Variants in PKNOX2 observed in about 807,000 individuals in gnomAD.
The protein encoded by PKNOX2 is homeobox protein PKNOX2.
Under a neutral mutation model 53.1 loss-of-function variants are expected in PKNOX2, and 14 were observed. The observed-to-expected ratio is 0.26, with a 90% confidence interval of 0.17 to 0.41. The LOEUF (loss-of-function observed/expected upper bound fraction) is 0.41. Ranked by LOEUF, PKNOX2 falls within the 10% of genes least tolerant of loss-of-function variation. The pLI is 1.00. For missense variants in PKNOX2, 496 were observed against 602.8 expected (o/e 0.82, Z 1.85); for synonymous variants, 257 against 242.8 (o/e 1.06, Z -0.54).
At chr11:125,170,544 C>T (rs1381308486) in intron 1 of PKNOX2, among the ~76,000 whole-genome samples, 1 of 152,162 alleles carries the variant, frequency 6.6e-6, no homozygotes, top group South Asian at 2.1e-4. Context: ...TCATCTCACG[C>T]GGTCAAGCAG....
chr11:125,186,141 T>G (rs1239147506), intron 1 of PKNOX2, among the ~76,000 whole-genome samples: 1 of 152,138 alleles, frequency 6.6e-6, no homozygotes, highest in Non-Finnish European at 1.5e-5. Flanking sequence ...ATTTTCCTGA[T>G]GTCAAGTGAT....
intron 4 of PKNOX2, among the ~76,000 whole-genome samples, chr11:125,360,872 T>G (rs912188970): frequency 6.6e-6 from 1 of 152,214 alleles, no homozygotes; most frequent in African/African-American, 2.4e-5. Context: ...ATTTTATAGA[T>G]GAGAACCCTG....
intron 4 of PKNOX2, among the ~76,000 whole-genome samples, chr11:125,361,329 G>A (rs1324309269): frequency 2.0e-5 from 3 of 152,160 alleles, no homozygotes; most frequent in Non-Finnish European, 4.4e-5. Flanking sequence ...CCTGGTTCTG[G>A]ATGCTCTGCC....
intron 2 of PKNOX2, among the ~76,000 whole-genome samples, chr11:125,297,339 T>C (rs1415327663): frequency 6.6e-6 from 1 of 152,238 alleles, no homozygotes; most frequent in African/African-American, 2.4e-5. Context: ...CACCTGAGTA[T>C]GCCAGGCCTT....
intron 4 of PKNOX2, among the ~76,000 whole-genome samples, chr11:125,357,353 G>A (rs1297394200): frequency 1.3e-5 from 2 of 152,162 alleles, no homozygotes; most frequent in African/African-American, 4.8e-5. Context: ...GCCCATGTAG[G>A]AGATGGTGGG....
chr11:125,173,726 G>A (rs1487842861), intron 1 of PKNOX2, among the ~76,000 whole-genome samples: 3 of 152,204 alleles, frequency 2.0e-5, no homozygotes, highest in East Asian at 1.9e-4. Context: ...TGGGGGCAGC[G>A]AGGCTGCAGT....
intron 2 of PKNOX2, among the ~76,000 whole-genome samples, chr11:125,303,783 T>C (rs1390660563): frequency 1.3e-5 from 2 of 151,928 alleles, no homozygotes; most frequent in Non-Finnish European, 2.9e-5. Context: ...AAGAGGGCAC[T>C]CCCCCTTACC....
chr11:125,415,016 G>A (rs1955795358), intron 10 of PKNOX2, among the ~76,000 whole-genome samples: 2 of 152,250 alleles, frequency 1.3e-5, no homozygotes, highest in South Asian at 4.1e-4. Context: ...ACAGTACTGT[G>A]ACTTACTCAT....
intron 1 of PKNOX2, among the ~76,000 whole-genome samples, chr11:125,225,237 T>G (rs1941586820): frequency 6.6e-6 from 1 of 152,198 alleles, no homozygotes; most frequent in South Asian, 2.1e-4. Flanking sequence ...TGGATCATAC[T>G]TAACTCCCTA....
At chr11:125,313,217 T>C (rs35733739) in intron 2 of PKNOX2, among the ~76,000 whole-genome samples, 21,320 of 151,920 alleles carry the variant, frequency 0.14, 1,691 homozygotes, top group East Asian at 0.3. Flanking sequence ...GCAATGGCAG[T>C]GCCCCTCATC....
chr11:125,305,477 C>T (rs1034079633), intron 2 of PKNOX2, among the ~76,000 whole-genome samples: 7 of 152,202 alleles, frequency 4.6e-5, no homozygotes, highest in Non-Finnish European at 1.0e-4. Context: ...CCAGCACCCC[C>T]TACCTGCCCC....
At chr11:125,196,415 C>A (rs1445088223) in intron 1 of PKNOX2, among the ~76,000 whole-genome samples, 1 of 152,180 alleles carries the variant, frequency 6.6e-6, no homozygotes, top group Non-Finnish European at 1.5e-5. Context: ...TTCTGTTGAG[C>A]CCACTTTCTG....
At chr11:125,297,570 G>T (rs1830661442) in intron 2 of PKNOX2, among the ~76,000 whole-genome samples, 1 of 152,214 alleles carries the variant, frequency 6.6e-6, no homozygotes, top group African/African-American at 2.4e-5. Context: ...TTGCAAATGA[G>T]TGTTGTGCAC....
chr11:125,360,318 AG>A, intron 4 of PKNOX2, among the ~76,000 whole-genome samples: 1 of 152,044 alleles, frequency 6.6e-6, no homozygotes, highest in Admixed American at 6.5e-5. Flanking sequence ...GGATCTGAAC[AG>A]GGGGTGGGAT....
chr11:125,211,553 G>A (rs530452975), intron 1 of PKNOX2, among the ~76,000 whole-genome samples: 1 of 152,090 alleles, frequency 6.6e-6, no homozygotes, highest in Non-Finnish European at 1.5e-5. Flanking sequence ...AGAGCGACTG[G>A]GGCCTGGGCA....
At chr11:125,237,460 C>T (rs1565476358) in intron 2 of PKNOX2, among the ~76,000 whole-genome samples, 3 of 152,148 alleles carry the variant, frequency 2.0e-5, no homozygotes, top group Admixed American at 6.5e-5. Flanking sequence ...TTGTTGCAGT[C>T]GTCTTTAGAG....
intron 2 of PKNOX2, among the ~76,000 whole-genome samples, chr11:125,329,431 T>C (rs1312550404): frequency 6.6e-6 from 1 of 152,044 alleles, no homozygotes; most frequent in Non-Finnish European, 1.5e-5. Flanking sequence ...TTTTAAAGGT[T>C]GTTTTAAGAG....
At chr11:125,420,790 A>G (rs1956130555) in intron 10 of PKNOX2, among the ~76,000 whole-genome samples, 1 of 152,190 alleles carries the variant, frequency 6.6e-6, no homozygotes, top group Non-Finnish European at 1.5e-5. Flanking sequence ...AGGGTGACAC[A>G]GAACCCAGGG....
At chr11:125,302,876 G>A (rs78613217) in intron 2 of PKNOX2, among the ~76,000 whole-genome samples, 10,864 of 152,262 alleles carry the variant, frequency 0.071, 689 homozygotes, top group East Asian at 0.2. Flanking sequence ...AATCCTTGGA[G>A]GCGGCAGAAC....
Sources: allele counts gnomAD v4.1 joint callset (sites outside exome capture counted in the v4.1 genomes callset), GRCh38; gene constraint gnomAD v4.1.1; transcripts MANE v1.5; gene names NCBI Gene and HGNC (gene_info 2026-07-23, HGNC 2026-07-21).